The following CRACD variants were observed in gnomAD, a reference collection of about 807,000 sequenced individuals.
CRACD encodes the protein capping protein inhibiting regulator of actin dynamics.
Under a neutral mutation model 106.8 loss-of-function variants are expected in CRACD, and 56 were observed. That is an observed-to-expected ratio of 0.52 (90% CI 0.42 to 0.66). The LOEUF (loss-of-function observed/expected upper bound fraction) is 0.66. Among genes scored for constraint, CRACD ranks in the 30% least tolerant of loss-of-function variants. The pLI is 0.00. For missense variants in CRACD, 1,730 were observed against 1,623.2 expected (o/e 1.07, Z -1.13); for synonymous variants, 754 against 670.8 (o/e 1.12, Z -1.92).
In CRACD at chr4:56,314,940, G is replaced by A. The variant is rs1238486985; in HGVS notation, c.1438G>A (p.Glu480Lys). The A allele has an allele frequency of 1.3e-6, 2 of 1,597,132 alleles. No homozygotes were observed. Among genetic ancestry groups the A allele is most frequent in the Non-Finnish European group, 1.7e-6 (2 of 1,173,292 alleles). The stretch of plus-strand genomic sequence containing the variant: ...CCAGGGGGCCGATCGTCCTGGGCCC[G>A]AGGAAAAGAGAGAAGAAGGGGACAC... Reference protein sequence around the residue: ...DFQGADRPGPEEKREEGDTEP... With the variant: ...DFQGADRPGPKEKREEGDTEP... Residue 480 changes from glutamate to lysine, a missense_variant, in exon 8 of 11, where the codon GAG (glutamate) becomes AAG (lysine). Physicochemically the swap from Glu to Lys is moderately conservative, Grantham distance 56. Coordinates refer to ENST00000682029, the MANE Select transcript of CRACD (RefSeq NM_001393381.1). The surrounding 1 kb of genome is among the most constrained non-coding windows in gnomAD (Gnocchi z 4.4).
intron 3 of CRACD, among the ~76,000 whole-genome samples, chr4:56,273,553 A>G (rs1742495679): frequency 6.6e-6 from 1 of 152,180 alleles, no homozygotes; most frequent in South Asian, 2.1e-4. Context: ...AATTGAAGTC[A>G]GTATCAGAGC....
chr4:56,134,236 A>T (rs566170331), intron 1 of CRACD, among the ~76,000 whole-genome samples: 2 of 152,132 alleles, frequency 1.3e-5, no homozygotes, highest in South Asian at 4.2e-4. Context: ...TCAGAAGGGT[A>T]GACATTTTGG....
chr4:56,138,442 G>T (rs1337165492), intron 1 of CRACD, among the ~76,000 whole-genome samples: 1 of 152,090 alleles, frequency 6.6e-6, no homozygotes, highest in South Asian at 2.1e-4. Flanking sequence ...TCCAGCCTGG[G>T]TGATAGAGCA....
chr4:56,197,040 A>G (rs1459489125), intron 2 of CRACD, among the ~76,000 whole-genome samples: 6 of 152,168 alleles, frequency 3.9e-5, no homozygotes, highest in Admixed American at 6.5e-5. Flanking sequence ...GTTGATACTG[A>G]TAGGGATAGG....
intron 1 of CRACD, among the ~76,000 whole-genome samples, chr4:56,065,111 G>A (rs1732414212): frequency 6.6e-6 from 1 of 150,608 alleles, no homozygotes; most frequent in African/African-American, 2.4e-5. Context: ...TTTTTGAGAT[G>A]GAGTCTTGCT....
intron 1 of CRACD, among the ~76,000 whole-genome samples, chr4:56,077,595 C>T (rs756291272): frequency 2.0e-5 from 3 of 152,214 alleles, no homozygotes; most frequent in South Asian, 2.1e-4. Flanking sequence ...TCTAGCAGTT[C>T]GTGGAGATGG....
intron 2 of CRACD, among the ~76,000 whole-genome samples, chr4:56,229,226 G>T (rs924677766): frequency 2.6e-5 from 4 of 152,182 alleles, no homozygotes; most frequent in Non-Finnish European, 5.9e-5. Context: ...AATCCCCAAG[G>T]TGATGATATT....
intron 8 of CRACD, among the ~76,000 whole-genome samples, chr4:56,322,667 G>A (rs1390681375): frequency 6.6e-6 from 1 of 152,114 alleles, no homozygotes; most frequent in Non-Finnish European, 1.5e-5. Context: ...TCCAACATTG[G>A]AGTTCCACGT....
chr4:56,093,805 G>A (rs1382484104), intron 1 of CRACD, among the ~76,000 whole-genome samples: 1 of 152,180 alleles, frequency 6.6e-6, no homozygotes, highest in African/African-American at 2.4e-5. Flanking sequence ...TTTAGATAGT[G>A]ATTCATTGGA....
chr4:56,223,507 T>A (rs1412058996), intron 2 of CRACD, among the ~76,000 whole-genome samples: 3 of 152,212 alleles, frequency 2.0e-5, no homozygotes, highest in African/African-American at 7.2e-5. Flanking sequence ...AATATTTTAG[T>A]CTTTGTTCCA....
chr4:56,239,792 C>G (rs6828347), intron 2 of CRACD, among the ~76,000 whole-genome samples: 101,302 of 152,022 alleles, frequency 0.67, 33,987 homozygotes, highest in East Asian at 0.87. Flanking sequence ...GCTCCCACCC[C>G]CTGCCCCAGA....
At chr4:56,050,577 A>G (rs534997643) in intron 1 of CRACD, among the ~76,000 whole-genome samples, 5 of 152,344 alleles carry the variant, frequency 3.3e-5, no homozygotes, top group Admixed American at 2.0e-4. Flanking sequence ...AAAAGTCAAC[A>G]AAGAGAAGAC....
At chr4:56,217,713 A>G (rs183569582) in intron 2 of CRACD, among the ~76,000 whole-genome samples, 23 of 151,190 alleles carry the variant, frequency 1.5e-4, no homozygotes, top group African/African-American at 5.4e-4. Flanking sequence ...CTGTGCCTGA[A>G]TTGCAAAGGG....
At position 56,260,341 on chromosome 4, in the gene CRACD, C is replaced by T. The variant is rs551035461; in HGVS notation, c.-188-11980C>T. Among the ~76,000 whole-genome samples the T allele has an allele frequency of 3.3e-5, 5 of 152,204 alleles. No individual in the cohort carries two copies. In the South Asian group the frequency reaches 1.0e-3, roughly 32 times the overall value. ...GACTTTGCATCCTCTTCTGGGGGAA[C>T]GGGTTAGTGTGATTTCAGATGTAGG... On this transcript the variant is annotated intron_variant, in intron 2 of 10. Transcript: ENST00000682029.
intron 1 of CRACD, among the ~76,000 whole-genome samples, chr4:56,161,455 AT>A (rs575969964): frequency 2.7e-5 from 4 of 150,102 alleles, no homozygotes; most frequent in African/African-American, 7.3e-5. Flanking sequence ...TAAACTCTTA[AT>A]TTTTTTTTTC....
intron 1 of CRACD, among the ~76,000 whole-genome samples, chr4:56,152,207 CG>C (rs1291152627): frequency 6.6e-6 from 1 of 150,644 alleles, no homozygotes; most frequent in Non-Finnish European, 1.5e-5. Context: ...TTAGTAGAGA[CG>C]GGGTTTCACT....
At chr4:56,144,014 A>G (rs943025625) in intron 1 of CRACD, among the ~76,000 whole-genome samples, 2 of 152,208 alleles carry the variant, frequency 1.3e-5, no homozygotes, top group Admixed American at 6.5e-5. Context: ...GAAACCAGAA[A>G]ATGCTTTCTG....
intron 4 of CRACD, among the ~76,000 whole-genome samples, chr4:56,302,853 A>G (rs971976584): frequency 1.3e-5 from 2 of 152,198 alleles, no homozygotes; most frequent in Non-Finnish European, 2.9e-5. Flanking sequence ...AAATATGGAT[A>G]TGCATTCCTG....
chr4:56,219,379 G>C lies in CRACD; in HGVS notation c.-189+39949G>C, dbSNP rs555982030. Reference sequence around the variant, plus strand: ...TTGTTTGTTTTTGAGACAGAGTCTTGCTCTTTCGCCCAGGCTGGAGTGCAG... The same window carrying C: ...TTGTTTGTTTTTGAGACAGAGTCTTCCTCTTTCGCCCAGGCTGGAGTGCAG... On this transcript the variant is annotated intron_variant, in intron 2 of 10. Transcript: ENST00000682029. Among the ~76,000 whole-genome samples the C allele has an allele frequency of 4.6e-5, 7 of 152,180 alleles. 1 individual carries two copies. The South Asian group carries it at 1.2e-3, about 27-fold the overall frequency.
Sources: allele counts gnomAD v4.1 joint callset (sites outside exome capture counted in the v4.1 genomes callset), GRCh38; gene constraint gnomAD v4.1.1; non-coding constraint Gnocchi (gnomAD v3.1); transcripts MANE v1.5; gene names NCBI Gene and HGNC (gene_info 2026-07-23, HGNC 2026-07-21).